C8orf34: variants seen among roughly 807,000 people sequenced by gnomAD.
C8orf34 encodes the protein chromosome 8 open reading frame 34.
Under a neutral mutation model 68.3 loss-of-function variants are expected in C8orf34, and 65 were observed. The observed-to-expected ratio is 0.95, with a 90% confidence interval of 0.78 to 1.17. The LOEUF is 1.17. C8orf34 is among the 50% of genes most tolerant of loss of function. The probability of loss-of-function intolerance (pLI) is 0.00; values close to 1 mark genes in which losing one functional copy is unlikely to be tolerated. For missense variants in C8orf34, 664 were observed against 655.4 expected, an observed-to-expected ratio of 1.01 and a Z score of -0.14; for synonymous variants, 244 against 241.2, an observed-to-expected ratio of 1.01 and a Z score of -0.11.
chr8:68,689,029 G>T (rs1026868548), intron 8 of C8orf34, among the ~76,000 whole-genome samples: 1 of 151,980 alleles, frequency 6.6e-6, no homozygotes, highest in Non-Finnish European at 1.5e-5. Flanking sequence ...AAAAGAAAAT[G>T]TGGTATAAAT....
chr8:68,525,455 C>A, intron 6 of C8orf34: 1 of 536,804 alleles, frequency 1.9e-6, no homozygotes, highest in Non-Finnish European at 3.3e-6. Context: ...AAGTTCAATC[C>A]AAAACAAATT....
intron 7 of C8orf34, among the ~76,000 whole-genome samples, chr8:68,541,515 A>C (rs930586744): frequency 1.3e-5 from 2 of 152,108 alleles, no homozygotes; most frequent in East Asian, 3.9e-4. Flanking sequence ...ACTTGTTACT[A>C]TAATTCATAT....
At chr8:68,633,080 A>C (rs1366771501) in intron 7 of C8orf34, among the ~76,000 whole-genome samples, 1 of 152,146 alleles carries the variant, frequency 6.6e-6, no homozygotes, top group African/African-American at 2.4e-5. Flanking sequence ...TAATCAACCA[A>C]CAGCCCTTGT....
At chr8:68,595,138 T>A (rs2043489) in intron 7 of C8orf34, among the ~76,000 whole-genome samples, 59,139 of 136,670 alleles carry the variant, frequency 0.43, 12,840 homozygotes, top group Non-Finnish European at 0.5. Context: ...AAAAAAAAAA[T>A]TTTTTTTTTT....
At chr8:68,337,925 A>C (rs1449380342) in intron 1 of C8orf34, among the ~76,000 whole-genome samples, 1 of 152,228 alleles carries the variant, frequency 6.6e-6, no homozygotes, top group African/African-American at 2.4e-5. Context: ...GCTGGAACAT[A>C]AGAAAGAGTG....
chr8:68,481,850 G>A (rs1435636163), intron 4 of C8orf34, among the ~76,000 whole-genome samples: 4 of 152,174 alleles, frequency 2.6e-5, no homozygotes, highest in African/African-American at 7.2e-5. Flanking sequence ...ATATGTAGAA[G>A]GGACTTGCCT....
At chr8:68,611,254 A>T (rs1236480816) in intron 7 of C8orf34, among the ~76,000 whole-genome samples, 5 of 152,124 alleles carry the variant, frequency 3.3e-5, no homozygotes, top group Non-Finnish European at 5.9e-5. Flanking sequence ...AGATGGAAGC[A>T]AGAAATGTTT....
intron 7 of C8orf34, among the ~76,000 whole-genome samples, chr8:68,576,465 C>T (rs1488876049): frequency 6.6e-6 from 1 of 151,584 alleles, no homozygotes; most frequent in African/African-American, 2.4e-5. Context: ...GCCCCCTTTG[C>T]AGAAGGAAGC....
chr8:68,358,923 G>A (rs1055428902), intron 1 of C8orf34, among the ~76,000 whole-genome samples: 4 of 151,850 alleles, frequency 2.6e-5, no homozygotes, highest in Non-Finnish European at 5.9e-5. Flanking sequence ...GGCATCAAAC[G>A]CCTGGCCTCA....
chr8:68,802,111 T>G (rs1331194601), intron 12 of C8orf34, among the ~76,000 whole-genome samples: 1 of 152,136 alleles, frequency 6.6e-6, no homozygotes, highest in Non-Finnish European at 1.5e-5. Context: ...TATTTTTTAT[T>G]TTTTTTGAGA....
At chr8:68,548,537 T>G (rs978104090) in intron 7 of C8orf34, among the ~76,000 whole-genome samples, 2 of 151,810 alleles carry the variant, frequency 1.3e-5, no homozygotes, top group Non-Finnish European at 1.5e-5. Context: ...CACTAAATGT[T>G]GCTAAGTACG....
intron 1 of C8orf34, among the ~76,000 whole-genome samples, chr8:68,381,097 A>T (rs1195564840): frequency 6.6e-6 from 1 of 152,204 alleles, no homozygotes. Context: ...AAGGTTAATG[A>T]AGGAATACTT....
intron 8 of C8orf34, among the ~76,000 whole-genome samples, chr8:68,648,149 T>C (rs182460544): frequency 5.3e-5 from 8 of 152,298 alleles, no homozygotes; most frequent in African/African-American, 1.2e-4. Context: ...GCTGGACTTA[T>C]AGAAGATTCC....
intron 11 of C8orf34, among the ~76,000 whole-genome samples, chr8:68,778,902 G>A (rs887194614): frequency 6.6e-6 from 1 of 152,032 alleles, no homozygotes; most frequent in African/African-American, 2.4e-5. Flanking sequence ...CCAGGCTCAA[G>A]CTTGTGGCTC....
At chr8:68,641,453 C>T (rs1235582883) in intron 8 of C8orf34, among the ~76,000 whole-genome samples, 1 of 152,132 alleles carries the variant, frequency 6.6e-6, no homozygotes, top group African/African-American at 2.4e-5. Flanking sequence ...CATGGCATAG[C>T]ATAGTGAAAA....
At chr8:68,616,502 T>C (rs144550857) in intron 7 of C8orf34, among the ~76,000 whole-genome samples, 44,628 of 151,808 alleles carry the variant, frequency 0.29, 8,313 homozygotes, top group African/African-American at 0.55. Flanking sequence ...TTTGTCCTCA[T>C]TGGTTTCAAA....
chr8:68,589,484 AAG>A (rs1304226283), intron 7 of C8orf34, among the ~76,000 whole-genome samples: 3 of 151,056 alleles, frequency 2.0e-5, no homozygotes, highest in East Asian at 1.9e-4. Context: ...GAGGAAAAGA[AAG>A]AAGAAAGAAA....
chr8:68,561,041 C>T (rs866849954), intron 7 of C8orf34, among the ~76,000 whole-genome samples: 2 of 147,088 alleles, frequency 1.4e-5, no homozygotes, highest in South Asian at 2.1e-4. Context: ...GTGGTGTGAT[C>T]GTGTGATCAC....
At chr8:68,769,729 T>C (rs1255634577) in intron 10 of C8orf34, among the ~76,000 whole-genome samples, 1 of 152,146 alleles carries the variant, frequency 6.6e-6, no homozygotes, top group Non-Finnish European at 1.5e-5. Context: ...TAGAATTTGT[T>C]TTCCTTCATT....
Sources: gnomAD v4.1 joint callset for allele counts (sites outside exome capture counted in the v4.1 genomes callset) on GRCh38, gnomAD v4.1.1 for gene constraint, MANE v1.5 for transcripts, NCBI Gene and HGNC (gene_info 2026-07-23, HGNC 2026-07-21) for gene names.